The following XKR6 variants were observed in gnomAD, a reference collection of about 807,000 sequenced individuals.
XKR6 encodes XK related 6.
XKR6 carries 22 observed loss-of-function variants against 56.7 expected under a neutral mutation model. That is an observed-to-expected ratio of 0.39 (90% CI 0.28 to 0.55). The LOEUF (loss-of-function observed/expected upper bound fraction) is 0.55, where lower values mean the gene tolerates loss of function less well. Ranked by LOEUF, XKR6 falls within the 20% of genes least tolerant of loss-of-function variation. The pLI is 0.66. For synonymous variants in XKR6, 524 were observed against 387.8 expected (o/e 1.35, Z -4.13); for missense variants, 852 against 889.0 (o/e 0.96, Z 0.53).
intron 1 of XKR6, among the ~76,000 whole-genome samples, chr8:11,041,770 A>G (rs1799292674): frequency 6.6e-6 from 1 of 152,212 alleles, no homozygotes; most frequent in African/African-American, 2.4e-5. Context: ...CCAGGCCAGG[A>G]TAGGGAAAAT....
At chr8:11,195,196 T>C (rs1477236068) in intron 1 of XKR6, 15 of 703,058 alleles carry the variant, frequency 2.1e-5, no homozygotes, top group Non-Finnish European at 3.1e-5. Flanking sequence ...CTTCTTTTCC[T>C]TGATGGTACC....
At chr8:11,098,003 G>A (rs1220355436) in intron 1 of XKR6, among the ~76,000 whole-genome samples, 1 of 151,914 alleles carries the variant, frequency 6.6e-6, no homozygotes, top group Non-Finnish European at 1.5e-5. Flanking sequence ...GGTGATTTCT[G>A]GGAACCGGTG....
chr8:11,180,863 T>C (rs935562254), intron 1 of XKR6, among the ~76,000 whole-genome samples: 12 of 152,178 alleles, frequency 7.9e-5, no homozygotes, highest in Non-Finnish European at 1.3e-4. Context: ...ATTATGATCA[T>C]GTTATTGCAC....
intron 1 of XKR6, among the ~76,000 whole-genome samples, chr8:11,027,097 C>T (rs559352444): frequency 7.9e-5 from 12 of 152,340 alleles, no homozygotes; most frequent in Non-Finnish European, 1.2e-4. Flanking sequence ...CTAGGCTATA[C>T]GGCATAGCCT....
chr8:10,967,207 G>C (rs1395704222), intron 1 of XKR6, among the ~76,000 whole-genome samples: 1 of 152,118 alleles, frequency 6.6e-6, no homozygotes, highest in Non-Finnish European at 1.5e-5. Context: ...TCTTCTCTGG[G>C]GCTCAGTTTA....
At chr8:10,991,743 C>A (rs550871945) in intron 1 of XKR6, among the ~76,000 whole-genome samples, 1 of 152,238 alleles carries the variant, frequency 6.6e-6, no homozygotes, top group South Asian at 2.1e-4. Flanking sequence ...TGCAGAATTC[C>A]TTCAATGTTT....
chr8:11,134,494 G>A (rs986379158), intron 1 of XKR6, among the ~76,000 whole-genome samples: 1 of 152,180 alleles, frequency 6.6e-6, no homozygotes, highest in Non-Finnish European at 1.5e-5. Flanking sequence ...ACTCATTTCT[G>A]TCTCCTAGGC....
chr8:11,180,475 C>G (rs1341172431), intron 1 of XKR6, among the ~76,000 whole-genome samples: 1 of 152,202 alleles, frequency 6.6e-6, no homozygotes, highest in Non-Finnish European at 1.5e-5. Context: ...ACAACCAGTC[C>G]CTAGACATGC....
At chr8:11,021,917 C>T (rs778677344) in intron 1 of XKR6, among the ~76,000 whole-genome samples, 94 of 151,890 alleles carry the variant, frequency 6.2e-4, no homozygotes, top group Non-Finnish European at 1.3e-3. Context: ...TTTCCTCCCA[C>T]CATCATTGCT....
At chr8:11,116,671 T>A (rs1799191438) in intron 1 of XKR6, among the ~76,000 whole-genome samples, 1 of 152,124 alleles carries the variant, frequency 6.6e-6, no homozygotes, top group African/African-American at 2.4e-5. Flanking sequence ...ACACCAGGCC[T>A]ATTTGCTACC....
intron 1 of XKR6, among the ~76,000 whole-genome samples, chr8:10,943,190 A>C (rs1801435804): frequency 6.6e-6 from 1 of 152,206 alleles, no homozygotes; most frequent in South Asian, 2.1e-4. Flanking sequence ...GCACCCTTCC[A>C]TACCATTCGC....
chr8:11,176,738 C>T (rs1333522417), intron 1 of XKR6, among the ~76,000 whole-genome samples: 2 of 152,028 alleles, frequency 1.3e-5, no homozygotes, highest in African/African-American at 4.8e-5. Context: ...CTCCCTAGAT[C>T]TGCAGTATCT....
At chr8:10,953,184 C>T (rs924727189) in intron 1 of XKR6, among the ~76,000 whole-genome samples, 1 of 152,154 alleles carries the variant, frequency 6.6e-6, no homozygotes, top group East Asian at 1.9e-4. Flanking sequence ...ATCCTGAAAC[C>T]ATCCTCCCTC....
At chr8:11,118,560 T>C (rs145612829) in intron 1 of XKR6, among the ~76,000 whole-genome samples, 1 of 152,374 alleles carries the variant, frequency 6.6e-6, no homozygotes, top group Non-Finnish European at 1.5e-5. Context: ...TCAAGGCATT[T>C]ATCCATTTCT....
In XKR6 at chr8:10,944,697, T is replaced by C. The variant is rs572329158; in HGVS notation, c.765-19867A>G. Among the ~76,000 whole-genome samples the C allele has an allele frequency of 1.0e-3, 158 of 152,188 alleles. 1 individual carries two copies. Among genetic ancestry groups the C allele is most frequent in the African/African-American group, 3.6e-3 (149 of 41,518 alleles). ...CACAGCCTGGCTGGCTCCGAGAAAC[T>C]TCTATGCTCCCCTCCACCCTGCACA... On this transcript the variant is annotated intron_variant, in intron 1 of 2. Transcript: ENST00000416569.
At chr8:11,165,724 G>T (rs1366581552) in intron 1 of XKR6, among the ~76,000 whole-genome samples, 1 of 152,044 alleles carries the variant, frequency 6.6e-6, no homozygotes, top group Non-Finnish European at 1.5e-5. Flanking sequence ...AGACAGAAGT[G>T]GCCAAGGAAC....
intron 1 of XKR6, among the ~76,000 whole-genome samples, chr8:10,963,218 C>T (rs1802117744): frequency 6.6e-6 from 1 of 152,260 alleles, no homozygotes. Context: ...GTGGCTGCAG[C>T]CACACCGGCA....
At chr8:10,937,683 G>A (rs1260771314) in intron 1 of XKR6, among the ~76,000 whole-genome samples, 1 of 148,150 alleles carries the variant, frequency 6.7e-6, no homozygotes, top group Admixed American at 6.7e-5. Context: ...GTGTGCCCCT[G>A]CTGGGGGGTG....
At chr8:11,041,109 G>A (rs1387847437) in intron 1 of XKR6, among the ~76,000 whole-genome samples, 1 of 152,122 alleles carries the variant, frequency 6.6e-6, no homozygotes, top group Non-Finnish European at 1.5e-5. Context: ...AGGATCAGAG[G>A]AGAGATGCCA....
Sources: allele counts gnomAD v4.1 joint callset (sites outside exome capture counted in the v4.1 genomes callset), GRCh38; gene constraint gnomAD v4.1.1; transcripts MANE v1.5; gene names NCBI Gene and HGNC (gene_info 2026-07-23, HGNC 2026-07-21).